Variants in HECW1 observed in about 807,000 individuals in gnomAD.
The protein encoded by HECW1 is HECT, C2 and WW domain containing E3 ubiquitin protein ligase 1.
A neutral mutation model predicts 182.3 loss-of-function variants in HECW1; 61 were observed. The ratio of observed to expected loss-of-function variants is 0.33; its 90% CI spans 0.27 to 0.41. HECW1 has a LOEUF of 0.41. HECW1 is among the 10% of genes least tolerant of loss of function. HECW1 has a pLI of 1.00. For missense variants in HECW1, 1,739 were observed against 2,108.9 expected, an observed-to-expected ratio of 0.82 and a Z score of 3.44; for synonymous variants, 859 against 832.6, an observed-to-expected ratio of 1.03 and a Z score of -0.55.
intron 16 of HECW1, among the ~76,000 whole-genome samples, chr7:43,472,017 C>T (rs563651866): frequency 1.3e-5 from 2 of 152,016 alleles, no homozygotes; most frequent in East Asian, 1.9e-4. Context: ...AGGAAAAAGC[C>T]GCAAACAGAA....
At chr7:43,502,503 T>A (rs79677697) in intron 21 of HECW1, among the ~76,000 whole-genome samples, 24,078 of 151,602 alleles carry the variant, frequency 0.16, 2,312 homozygotes, top group Non-Finnish European at 0.21. Context: ...CCAAAAAAAA[T>A]TTTTTTTAAT....
intron 2 of HECW1, among the ~76,000 whole-genome samples, chr7:43,120,802 C>A (rs1295762014): frequency 1.3e-5 from 2 of 152,082 alleles, no homozygotes; most frequent in Non-Finnish European, 2.9e-5. Context: ...CACCACCACA[C>A]CCGGCTGATT....
At chr7:43,264,671 C>T (rs948703430) in intron 3 of HECW1, among the ~76,000 whole-genome samples, 5 of 151,872 alleles carry the variant, frequency 3.3e-5, no homozygotes, top group South Asian at 2.1e-4. Flanking sequence ...CAGTGAACCC[C>T]GTCTCTACTA....
chr7:43,366,499 C>T (rs558215703), intron 6 of HECW1, among the ~76,000 whole-genome samples: 6 of 152,226 alleles, frequency 3.9e-5, no homozygotes, highest in Non-Finnish European at 7.3e-5. Flanking sequence ...CTGGAAAATA[C>T]TTCAACCAAG....
At chr7:43,447,782 A>C (rs918958404) in intron 11 of HECW1, among the ~76,000 whole-genome samples, 1 of 152,054 alleles carries the variant, frequency 6.6e-6, no homozygotes, top group African/African-American at 2.4e-5. Flanking sequence ...AAAAATCCCT[A>C]TTGCTCCTTC....
At chr7:43,286,421 G>A (rs1041803991) in intron 3 of HECW1, among the ~76,000 whole-genome samples, 2 of 152,054 alleles carry the variant, frequency 1.3e-5, no homozygotes, top group South Asian at 2.1e-4. Flanking sequence ...AACCAGGATC[G>A]CTGACTTCTG....
chr7:43,387,353 TAC>T (rs2074841673), intron 6 of HECW1, among the ~76,000 whole-genome samples: 1 of 152,192 alleles, frequency 6.6e-6, no homozygotes, highest in South Asian at 2.1e-4. Flanking sequence ...CCAAAACTAC[TAC>T]AGTGTTGGTG....
rs1008895190 is a variant in HECW1 at position 43,177,934 on chromosome 7, C to G, written c.-32+63543C>G. Among the ~76,000 whole-genome samples the G allele has an allele frequency of 5.9e-5, 9 of 152,308 alleles. No individual in the cohort carries two copies. In the South Asian group the frequency reaches 6.2e-4, roughly 11 times the overall value. On this transcript the variant is annotated intron_variant, in intron 2 of 29. Coordinates refer to ENST00000395891, the MANE Select transcript of HECW1 (RefSeq NM_015052.5). The stretch of plus-strand genomic sequence containing the variant: ...ACACATTATTTTCATCTTTCTTTAG[C>G]ACTTAACCAATCCTGGCTTTGTGAA...
intron 5 of HECW1, among the ~76,000 whole-genome samples, chr7:43,330,374 G>A (rs183736885): frequency 2.0e-5 from 3 of 152,350 alleles, no homozygotes; most frequent in East Asian, 3.9e-4. Flanking sequence ...CACATCATAC[G>A]TCTAGCCCTA....
intron 24 of HECW1, among the ~76,000 whole-genome samples, chr7:43,512,681 C>T (rs2079935108): frequency 6.6e-6 from 1 of 152,162 alleles, no homozygotes; most frequent in Admixed American, 6.5e-5. Context: ...GCTTAACATA[C>T]ACACATTTAA....
intron 26 of HECW1, among the ~76,000 whole-genome samples, chr7:43,550,028 C>T (rs2081740374): frequency 6.6e-6 from 1 of 151,684 alleles, no homozygotes; most frequent in Non-Finnish European, 1.5e-5. Context: ...CAGTGGCTCC[C>T]AATACTTTGG....
intron 2 of HECW1, among the ~76,000 whole-genome samples, chr7:43,179,249 C>T (rs961940230): frequency 3.3e-5 from 5 of 152,156 alleles, no homozygotes; most frequent in African/African-American, 7.2e-5. Context: ...CAACTTGAAT[C>T]GAGCTGTATT....
rs577164181 is a variant in HECW1 at position 43,449,154 on chromosome 7, TA to T, written c.2399-1669del. ...ATTGTTGATTTTAAAGAAACTAAGT[TA>T]AAAATGCAGCAGCTGATGACATAAC... On this transcript the variant is annotated intron_variant, in intron 11 of 29. Coordinates refer to ENST00000395891, the MANE Select transcript of HECW1 (RefSeq NM_015052.5). Among the ~76,000 whole-genome samples the T allele has an allele frequency of 7.1e-3, 1,082 of 152,328 alleles. 15 individuals are homozygous for T. Among genetic ancestry groups the T allele is most frequent in the Admixed American group, 0.016 (250 of 15,302 alleles).
intron 15 of HECW1, among the ~76,000 whole-genome samples, chr7:43,468,403 G>A (rs528516840): frequency 9.2e-5 from 14 of 152,274 alleles, no homozygotes; most frequent in African/African-American, 2.9e-4. Context: ...CTGAGACAGC[G>A]AGAAAACCAT....
chr7:43,492,472 C>T (rs1446903896), intron 18 of HECW1, among the ~76,000 whole-genome samples: 1 of 152,096 alleles, frequency 6.6e-6, no homozygotes, highest in Non-Finnish European at 1.5e-5. Flanking sequence ...TTGTTAATCC[C>T]GTGCACAAGA....
At chr7:43,115,686 G>C (rs975575939) in intron 2 of HECW1, among the ~76,000 whole-genome samples, 2 of 152,178 alleles carry the variant, frequency 1.3e-5, no homozygotes, top group Non-Finnish European at 2.9e-5. Context: ...TATAGTCAAG[G>C]TATTTGTTGA....
chr7:43,227,297 AG>A, intron 2 of HECW1, among the ~76,000 whole-genome samples: 1 of 152,134 alleles, frequency 6.6e-6, no homozygotes, highest in Non-Finnish European at 1.5e-5. Context: ...ATTTTTTTTT[AG>A]GGGTGTGAGT....
At chr7:43,421,783 T>G (rs933601508) in intron 8 of HECW1, among the ~76,000 whole-genome samples, 4 of 152,140 alleles carry the variant, frequency 2.6e-5, no homozygotes, top group Admixed American at 2.6e-4. Context: ...AGATCAACAA[T>G]GATGGCTGCT....
intron 3 of HECW1, among the ~76,000 whole-genome samples, chr7:43,307,631 A>T (rs964436129): frequency 6.6e-6 from 1 of 152,088 alleles, no homozygotes; most frequent in Admixed American, 6.6e-5. Context: ...GAATGATTAA[A>T]TTGCTTCTTC....
Sources: allele counts gnomAD v4.1 joint callset (sites outside exome capture counted in the v4.1 genomes callset), GRCh38; gene constraint gnomAD v4.1.1; transcripts MANE v1.5; gene names NCBI Gene and HGNC (gene_info 2026-07-23, HGNC 2026-07-21).